The following CAMSAP1 variants were observed in gnomAD, a reference collection of about 807,000 sequenced individuals.
The protein encoded by CAMSAP1 is calmodulin regulated spectrin associated protein 1.
In CAMSAP1, 58 loss-of-function variants were observed where a neutral mutation model predicts 143.5. That is an observed-to-expected ratio of 0.40 (90% confidence interval 0.33 to 0.50). The LOEUF is 0.50. Ranked by LOEUF, CAMSAP1 falls within the 20% of genes least tolerant of loss-of-function variation. The pLI is 0.45. For synonymous variants in CAMSAP1, 945 were observed against 859.3 expected (o/e 1.10, Z -1.74); for missense variants, 1,969 against 2,115.7 (o/e 0.93, Z 1.36).
Position 135,822,926 on chromosome 9 carries a change from G to A in CAMSAP1, c.1735C>T (p.Gln579Ter), listed in dbSNP as rs1262451352. 1 of 1,613,988 alleles carries A rather than the reference G, an allele frequency of 6.2e-7. No individual in the cohort carries two copies. The highest frequency in any genetic ancestry group is 1.1e-5 in the South Asian group (1 of 91,080). Reference protein sequence around the residue: ...LTANARSPQGQLDTSESKPDS... With the variant: ...LTANARSPQG ...GGCTTACTTTCCGAGGTGTCCAGCT[G>A]TCCTTGGGGAGACCGGGCATTTGCT... The change falls in exon 11 of 17, where the codon CAG (glutamine) becomes TAG (stop). Residue 579 changes from glutamine to a stop codon, truncating the protein, a stop_gained. Transcript: ENST00000389532. LOFTEE classifies it high-confidence loss of function. The surrounding 1 kb of genome is among the most constrained non-coding windows in gnomAD (Gnocchi z 6.1).
Position 135,820,315 on chromosome 9 carries a change from T to C in CAMSAP1, c.3822+524A>G, listed in dbSNP as rs1835398636. Among the ~76,000 whole-genome samples, 1 of 152,200 alleles carries C rather than the reference T, an allele frequency of 6.6e-6. No individual in the cohort carries two copies. Among genetic ancestry groups the C allele is most frequent in the East Asian group, 1.9e-4 (1 of 5,196 alleles). ...GAGACAACGAACGTCACAGCAAACA[T>C]CATGTGACGCACTGACTATTAAAAC... is the stretch of plus-strand genomic sequence containing the variant. On this transcript the variant is annotated intron_variant, in intron 11 of 16. Transcript: ENST00000389532. The surrounding 1 kb of genome is among the most constrained non-coding windows in gnomAD (Gnocchi z 4.4).
intron 11 of CAMSAP1, among the ~76,000 whole-genome samples, chr9:135,819,797 A>G (rs1441973682): frequency 6.6e-6 from 1 of 151,972 alleles, no homozygotes; most frequent in Non-Finnish European, 1.5e-5. Context: ...CAGTGAGCCA[A>G]GATCATGCCC....
intron 3 of CAMSAP1, among the ~76,000 whole-genome samples, chr9:135,872,884 T>A (rs1837615799): frequency 6.6e-6 from 1 of 152,112 alleles, no homozygotes; most frequent in Non-Finnish European, 1.5e-5. Flanking sequence ...AAATGGCGGG[T>A]TACAAGTGCA....
chr9:135,855,295 G>C (rs1836917562), intron 5 of CAMSAP1, among the ~76,000 whole-genome samples: 1 of 152,046 alleles, frequency 6.6e-6, no homozygotes, highest in African/African-American at 2.4e-5. Flanking sequence ...CCCGGTCTTA[G>C]CTCCCACTTG....
chr9:135,873,815 C>A (rs1162343888), intron 3 of CAMSAP1, among the ~76,000 whole-genome samples: 1 of 152,068 alleles, frequency 6.6e-6, no homozygotes, highest in East Asian at 1.9e-4. Flanking sequence ...GATTGCTTTA[C>A]CAGTGAATTT....
chr9:135,901,430 T>C (rs1838613579), intron 1 of CAMSAP1, among the ~76,000 whole-genome samples: 1 of 151,964 alleles, frequency 6.6e-6, no homozygotes, highest in Admixed American at 6.6e-5. Flanking sequence ...ACAGGAAAAC[T>C]CCACCTCTAC....
chr9:135,895,363 A>G (rs1397574750), intron 1 of CAMSAP1, among the ~76,000 whole-genome samples: 1 of 152,240 alleles, frequency 6.6e-6, no homozygotes, highest in Non-Finnish European at 1.5e-5. Context: ...GATACATACA[A>G]GGGAACACCA....
chr9:135,866,427 A>T (rs1380740636), intron 4 of CAMSAP1, 29 bp downstream of exon 4: 1 of 1,114,826 alleles, frequency 9.0e-7, no homozygotes, highest in East Asian at 2.6e-5. Flanking sequence ...AACTTAGTGC[A>T]TTCCAGAAAA....
chr9:135,818,347 G>A lies in CAMSAP1; in HGVS notation c.4168+61C>T, dbSNP rs78195436. On this transcript the variant is annotated intron_variant, in intron 13 of 16. Transcript: ENST00000389532. The surrounding 1 kb of genome is among the most constrained non-coding windows in gnomAD (Gnocchi z 7.7). ...GATGACAAAATTGAAATGAGCTGAA[G>A]AACGTGAGGCCGCCGCCCGCGGAAG... 15,490 of 1,483,420 alleles carry A rather than the reference G, an allele frequency of 0.01. 212 individuals carry two copies. The highest frequency in any genetic ancestry group is 9.5e-3 in the Non-Finnish European group (10,524 of 1,109,374). 91.9% of individuals were successfully genotyped at this position (1,483,420 alleles called of 1,614,324 possible).
intron 5 of CAMSAP1, among the ~76,000 whole-genome samples, chr9:135,856,373 T>C (rs1018037458): frequency 1.3e-5 from 2 of 152,042 alleles, no homozygotes; most frequent in Admixed American, 6.6e-5. Flanking sequence ...ACGAGAACAG[T>C]ATGGGGGAAA....
chr9:135,846,701 A>C (rs983059242), intron 7 of CAMSAP1, among the ~76,000 whole-genome samples: 1 of 151,826 alleles, frequency 6.6e-6, no homozygotes, highest in African/African-American at 2.4e-5. Flanking sequence ...AAAAAAAAAA[A>C]AATCAAAAAG....
At chr9:135,853,599 A>G (rs1005137281) in intron 5 of CAMSAP1, among the ~76,000 whole-genome samples, 2 of 152,204 alleles carry the variant, frequency 1.3e-5, no homozygotes, top group Non-Finnish European at 2.9e-5. Context: ...AGAAATAGAA[A>G]AGCCGATGGA....
chr9:135,879,234 G>A (rs988908883), intron 3 of CAMSAP1, among the ~76,000 whole-genome samples: 5 of 152,110 alleles, frequency 3.3e-5, no homozygotes, highest in African/African-American at 7.2e-5. Context: ...AGGTAGAAAC[G>A]AGAATAGCAT....
intron 3 of CAMSAP1, among the ~76,000 whole-genome samples, chr9:135,870,318 G>A (rs1476633670): frequency 1.3e-5 from 2 of 152,078 alleles, no homozygotes; most frequent in Admixed American, 6.6e-5. Flanking sequence ...GCTCTCTCAC[G>A]CCTGCCTCCA....
rs117685622 is a variant in CAMSAP1, at chr9:135,853,399, T to C, written c.809-2938A>G. Reference sequence around the variant, plus strand: ...GTTAGCTTTCCCAACTTTTGCTGTGTTACTCTCAAATGGTTGAGAGAGACA... The same window carrying C: ...GTTAGCTTTCCCAACTTTTGCTGTGCTACTCTCAAATGGTTGAGAGAGACA... On this transcript the variant is annotated intron_variant, in intron 5 of 16. Coordinates refer to ENST00000389532, the MANE Select transcript of CAMSAP1 (RefSeq NM_015447.4). Among the ~76,000 whole-genome samples, 428 of 152,328 alleles carry C rather than the reference T, an allele frequency of 2.8e-3. 1 individual carries two copies. Among genetic ancestry groups the C allele is most frequent in the Middle Eastern group, 6.8e-3 (2 of 294 alleles).
intron 7 of CAMSAP1, among the ~76,000 whole-genome samples, chr9:135,840,858 C>G (rs979311529): frequency 6.6e-6 from 1 of 152,202 alleles, no homozygotes; most frequent in Non-Finnish European, 1.5e-5. Flanking sequence ...ACCCACAGAC[C>G]AGGAGATTCC....
At chr9:135,893,369 A>G (rs1423131658) in intron 1 of CAMSAP1, among the ~76,000 whole-genome samples, 2 of 152,008 alleles carry the variant, frequency 1.3e-5, no homozygotes, top group Non-Finnish European at 2.9e-5. Flanking sequence ...GAAAGGCAGG[A>G]AGAAAGAAAA....
intron 7 of CAMSAP1, among the ~76,000 whole-genome samples, chr9:135,838,806 A>G (rs897303029): frequency 2.0e-5 from 3 of 149,276 alleles, no homozygotes; most frequent in African/African-American, 5.0e-5. Context: ...GTCATCACGC[A>G]CTTTCTACCC....
At chr9:135,884,265 A>G (rs576831283) in intron 1 of CAMSAP1, among the ~76,000 whole-genome samples, 25 of 152,250 alleles carry the variant, frequency 1.6e-4, no homozygotes, top group Non-Finnish European at 2.9e-4. Context: ...TCATGGGGAC[A>G]CTAACAAACC....
Sources: allele counts gnomAD v4.1 joint callset (sites outside exome capture counted in the v4.1 genomes callset), GRCh38; gene constraint gnomAD v4.1.1; non-coding constraint Gnocchi (gnomAD v3.1); transcripts MANE v1.5; gene names NCBI Gene and HGNC (gene_info 2026-07-23, HGNC 2026-07-21).